Variants in DTNA observed in about 807,000 individuals in gnomAD.
The protein encoded by DTNA is dystrophin-related protein 3.
A neutral mutation model predicts 100.7 loss-of-function variants in DTNA; 43 were observed. The ratio of observed to expected loss-of-function variants is 0.43; its 90% CI spans 0.33 to 0.55. The LOEUF (loss-of-function observed/expected upper bound fraction) is 0.55, where lower values mean the gene tolerates loss of function less well. Ranked by LOEUF, DTNA falls within the 20% of genes least tolerant of loss-of-function variation. The probability of loss-of-function intolerance (pLI) is 0.04; values close to 1 mark genes in which losing one functional copy is unlikely to be tolerated. For synonymous variants in DTNA, 349 were observed against 347.9 expected (o/e 1.00, Z -0.04); for missense variants, 798 against 953.9 (o/e 0.84, Z 2.15).
chr18:34,551,887 C>G (rs1310119841), intron 1 of DTNA, among the ~76,000 whole-genome samples: 1 of 152,134 alleles, frequency 6.6e-6, no homozygotes, highest in Non-Finnish European at 1.5e-5. Flanking sequence ...CTTGGCCTGT[C>G]TCTGCAATAT....
intron 17 of DTNA, chr18:34,867,414 G>A: frequency 2.2e-5 from 27 of 1,227,348 alleles, no homozygotes; most frequent in Non-Finnish European, 2.6e-5. Flanking sequence ...CCTGGGTGAA[G>A]GACACATAAC....
chr18:34,584,528 G>A (rs188652896), intron 1 of DTNA, among the ~76,000 whole-genome samples: 1 of 152,214 alleles, frequency 6.6e-6, no homozygotes, highest in Admixed American at 6.5e-5. Flanking sequence ...AAAGATGAGA[G>A]ACTCTTCTAG....
At chr18:34,614,564 G>GA (rs2054868395) in intron 1 of DTNA, among the ~76,000 whole-genome samples, 1 of 152,162 alleles carries the variant, frequency 6.6e-6, no homozygotes, top group Non-Finnish European at 1.5e-5. Flanking sequence ...GAGTTTAGAA[G>GA]AAGTTGATTT....
At chr18:34,653,015 A>C (rs1599635502) in intron 1 of DTNA, among the ~76,000 whole-genome samples, 1 of 152,210 alleles carries the variant, frequency 6.6e-6, no homozygotes, top group Admixed American at 6.5e-5. Context: ...CAAAGTGATC[A>C]TATCTGAATC....
chr18:34,552,742 G>A (rs1202817172), intron 1 of DTNA, among the ~76,000 whole-genome samples: 1 of 151,468 alleles, frequency 6.6e-6, no homozygotes, highest in Non-Finnish European at 1.5e-5. Flanking sequence ...ATTCCATGGT[G>A]TATATGTGCC....
intron 4 of DTNA, among the ~76,000 whole-genome samples, chr18:34,802,512 A>G (rs1005477479): frequency 1.3e-5 from 2 of 152,156 alleles, no homozygotes; most frequent in African/African-American, 4.8e-5. Flanking sequence ...TCCATTTGGG[A>G]TGTATCAGCT....
chr18:34,591,450 T>C (rs556006729), intron 1 of DTNA, among the ~76,000 whole-genome samples: 137 of 152,340 alleles, frequency 9.0e-4, no homozygotes, highest in Admixed American at 2.5e-3. Flanking sequence ...GTATCAGTTA[T>C]GTGCTAGTGC....
chr18:34,670,383 C>T (rs549401054), intron 1 of DTNA, among the ~76,000 whole-genome samples: 8 of 152,152 alleles, frequency 5.3e-5, no homozygotes, highest in East Asian at 1.9e-4. Flanking sequence ...TCCTTTAGCT[C>T]GGAGAAGTTT....
chr18:34,567,925 G>A (rs188501359), intron 1 of DTNA, among the ~76,000 whole-genome samples: 13 of 151,876 alleles, frequency 8.6e-5, no homozygotes, highest in Non-Finnish European at 1.8e-4. Context: ...TTATTCTGCC[G>A]GGTTTTTAAA....
intron 1 of DTNA, among the ~76,000 whole-genome samples, chr18:34,499,382 C>G (rs992970790): frequency 3.3e-5 from 5 of 152,126 alleles, no homozygotes; most frequent in African/African-American, 1.2e-4. Context: ...TAACCATTCA[C>G]CTATTGAAAG....
At chr18:34,546,180 G>A (rs1057106955) in intron 1 of DTNA, among the ~76,000 whole-genome samples, 1 of 152,002 alleles carries the variant, frequency 6.6e-6, no homozygotes, top group African/African-American at 2.4e-5. Flanking sequence ...ACTGACACAC[G>A]ATAAAAAACA....
chr18:34,816,361 A>C (rs778770258), intron 7 of DTNA, among the ~76,000 whole-genome samples: 1 of 152,174 alleles, frequency 6.6e-6, no homozygotes, highest in Non-Finnish European at 1.5e-5. Context: ...CACGGTACTG[A>C]TTATTTCTTC....
At chr18:34,805,391 G>A (rs868584317) in intron 4 of DTNA, among the ~76,000 whole-genome samples, 10 of 152,012 alleles carry the variant, frequency 6.6e-5, no homozygotes, top group Non-Finnish European at 1.0e-4. Context: ...GTGGCACAAT[G>A]TTGGCTCACT....
intron 1 of DTNA, among the ~76,000 whole-genome samples, chr18:34,671,539 T>C (rs2076758267): frequency 6.6e-6 from 1 of 152,196 alleles, no homozygotes; most frequent in Non-Finnish European, 1.5e-5. Flanking sequence ...AAGAATGATG[T>C]TTAAAAATGT....
chr18:34,634,802 A>G (rs1261940610), intron 1 of DTNA, among the ~76,000 whole-genome samples: 1 of 152,088 alleles, frequency 6.6e-6, no homozygotes, highest in Non-Finnish European at 1.5e-5. Context: ...CATATGCACT[A>G]CCTCCTTTTT....
intron 1 of DTNA, among the ~76,000 whole-genome samples, chr18:34,661,919 G>T (rs145916514): frequency 0.015 from 2,304 of 152,138 alleles, 50 homozygotes; most frequent in African/African-American, 0.053. Context: ...TAAATATCTG[G>T]ATTTCCACCC....
chr18:34,591,526 G>C (rs1338779348), intron 1 of DTNA, among the ~76,000 whole-genome samples: 4 of 152,204 alleles, frequency 2.6e-5, no homozygotes, highest in Non-Finnish European at 5.9e-5. Context: ...CCGCACGTCT[G>C]TCCACCCTTC....
chr18:34,765,125 C>T (rs1038217615), intron 2 of DTNA, among the ~76,000 whole-genome samples: 7 of 152,072 alleles, frequency 4.6e-5, no homozygotes, highest in Non-Finnish European at 7.4e-5. Flanking sequence ...AAACTGCAGA[C>T]GAGCTTGGAT....
At chr18:34,859,461 G>A (rs1276845183) in intron 16 of DTNA, among the ~76,000 whole-genome samples, 2 of 152,190 alleles carry the variant, frequency 1.3e-5, no homozygotes, top group South Asian at 2.1e-4. Flanking sequence ...CTGTGTAAAT[G>A]AGGACTTGGC....
Sources: gnomAD v4.1 joint callset for allele counts (sites outside exome capture counted in the v4.1 genomes callset) on GRCh38, gnomAD v4.1.1 for gene constraint, MANE v1.5 for transcripts, NCBI Gene and HGNC (gene_info 2026-07-23, HGNC 2026-07-21) for gene names.